PRDM16: variants seen among roughly 807,000 people sequenced by gnomAD.
PRDM16 encodes the protein histone-lysine N-methyltransferase PRDM16.
PRDM16 carries 23 observed loss-of-function variants against 110.6 expected under a neutral mutation model. That is an observed-to-expected ratio of 0.21 (90% confidence interval 0.15 to 0.29). The LOEUF (loss-of-function observed/expected upper bound fraction) is 0.29, where lower values mean the gene tolerates loss of function less well. Among genes scored for constraint, PRDM16 ranks in the 10% least tolerant of loss-of-function variants. PRDM16 has a pLI of 1.00. For missense variants in PRDM16, 1,615 were observed against 1,794.3 expected (o/e 0.90, Z 1.81); for synonymous variants, 799 against 781.8 (o/e 1.02, Z -0.37).
At chr1:3,218,592 C>A (rs561686822) in intron 2 of PRDM16, among the ~76,000 whole-genome samples, 1 of 152,250 alleles carries the variant, frequency 6.6e-6, no homozygotes, top group East Asian at 1.9e-4. Flanking sequence ...CAAGGCCCTT[C>A]CTTAGAAAGG....
Position 3,310,390 on chromosome 1 carries a change from T to C in PRDM16, c.438+66253T>C, listed in dbSNP as rs1382385297. 7.2e-5 allele frequency among the ~76,000 whole-genome samples: 11 copies of C among 152,164 alleles called. No individual in the cohort carries two copies. The East Asian group carries it at 2.1e-3, about 29-fold the overall frequency. On this transcript the variant is annotated intron_variant, in intron 3 of 16. Transcript: ENST00000270722. Reference sequence around the variant, plus strand: ...CGCCCCTGAAGCGCCCTCCCTCTGCTGAGCCCGGTGACCCTGAGCCGTCTT... The same window carrying C: ...CGCCCCTGAAGCGCCCTCCCTCTGCCGAGCCCGGTGACCCTGAGCCGTCTT...
chr1:3,316,000 G>T (rs1641592181), intron 3 of PRDM16, among the ~76,000 whole-genome samples: 1 of 152,150 alleles, frequency 6.6e-6, no homozygotes, highest in Non-Finnish European at 1.5e-5. Context: ...TCATCCATCA[G>T]ATGAGAGAAC....
At chr1:3,127,779 C>A (rs538120004) in intron 1 of PRDM16, among the ~76,000 whole-genome samples, 1 of 152,212 alleles carries the variant, frequency 6.6e-6, no homozygotes. Context: ...AGGCCTGAGG[C>A]CTGCCCCATA....
chr1:3,164,521 C>A (rs1643928483), intron 1 of PRDM16, among the ~76,000 whole-genome samples: 1 of 152,156 alleles, frequency 6.6e-6, no homozygotes, highest in African/African-American at 2.4e-5. Context: ...ACCCGGCCTC[C>A]CTTGGCTAAC....
intron 3 of PRDM16, among the ~76,000 whole-genome samples, chr1:3,383,841 G>GGACACA (rs1473066423): frequency 2.4e-5 from 2 of 82,364 alleles, no homozygotes; most frequent in Admixed American, 1.8e-4. Context: ...AGACACACCT[G>GGACACA]CCTAAGGACA....
At chr1:3,181,334 GCA>G (rs1644173361) in intron 1 of PRDM16, among the ~76,000 whole-genome samples, 1 of 101,956 alleles carries the variant, frequency 9.8e-6, no homozygotes, top group African/African-American at 3.6e-5. Context: ...TCTTACACAA[GCA>G]GTCTTACACA....
At chr1:3,337,217 A>G (rs1177630495) in intron 3 of PRDM16, among the ~76,000 whole-genome samples, 2 of 150,866 alleles carry the variant, frequency 1.3e-5, no homozygotes, top group African/African-American at 4.9e-5. Context: ...CTGTGTGTGA[A>G]TGCATACACG....
intron 2 of PRDM16, among the ~76,000 whole-genome samples, chr1:3,194,681 TCGCCACACGCCATCGTCTCCC>T (rs1404092447): frequency 2.0e-4 from 20 of 99,084 alleles, no homozygotes; most frequent in South Asian, 7.3e-4. Context: ...CACCGTCTGA[TCGCCACACGCCATCGTCTCCC>T]CGCCACACGC....
At position 3,083,660 on chromosome 1, in the gene PRDM16, T is replaced by G. The variant is rs150113435; in HGVS notation, c.37+14364T>G. Among the ~76,000 whole-genome samples the G allele has an allele frequency of 2.9e-3, 446 of 152,162 alleles. 2 individuals are homozygous for G. The highest frequency in any genetic ancestry group is 0.024 in the East Asian group (123 of 5,148). ...TGGGTGCCGGAGCTGGATCCTGCCC[T>G]CGGGGGTTTCCTGTTAGTTTTGTTC... On this transcript the variant is annotated intron_variant, in intron 1 of 16. Coordinates refer to ENST00000270722, the MANE Select transcript of PRDM16 (RefSeq NM_022114.4).
intron 1 of PRDM16, among the ~76,000 whole-genome samples, chr1:3,181,006 G>C (rs956883558): frequency 1.6e-5 from 2 of 125,978 alleles, no homozygotes; most frequent in Admixed American, 7.8e-5. Flanking sequence ...GATCTTACAC[G>C]CGGTCTTACA....
At chr1:3,085,126 C>T (rs1267828859) in intron 1 of PRDM16, among the ~76,000 whole-genome samples, 1 of 152,196 alleles carries the variant, frequency 6.6e-6, no homozygotes, top group Non-Finnish European at 1.5e-5. Context: ...AGGCTGGTGC[C>T]CAGGACCTAC....
intron 1 of PRDM16, among the ~76,000 whole-genome samples, chr1:3,181,020 G>T (rs1356880660): frequency 3.9e-5 from 5 of 126,838 alleles, no homozygotes; most frequent in Non-Finnish European, 6.8e-5. Flanking sequence ...TCTTACAAAT[G>T]CGGTCTTACA....
chr1:3,338,671 C>T (rs1642210266), intron 3 of PRDM16, among the ~76,000 whole-genome samples: 1 of 152,230 alleles, frequency 6.6e-6, no homozygotes, highest in Non-Finnish European at 1.5e-5. Flanking sequence ...GCCATGAGGG[C>T]TGCTTGGCTG....
rs778222386 is a variant in PRDM16, at chr1:3,431,046, CGAGGATGAG to C, written c.3472_3480del (p.Asp1158_Glu1160del). 8 of 1,560,992 alleles carry C rather than the reference CGAGGATGAG, an allele frequency of 5.1e-6. No homozygotes were observed. Among genetic ancestry groups the C allele is most frequent in the Non-Finnish European group, 6.1e-6 (7 of 1,152,618 alleles). On this transcript the variant is annotated inframe_deletion, in exon 15 of 17. Transcript: ENST00000270722. ...CCGCACCCGAGCCCCAGGCCGCCTA[CGAGGATGAG>C]GAGGATGAGGAGCCAGCCGCCTCCC...
intron 1 of PRDM16, among the ~76,000 whole-genome samples, chr1:3,114,552 AC>A (rs1431154358): frequency 6.6e-6 from 1 of 151,624 alleles, no homozygotes; most frequent in Admixed American, 6.6e-5. Context: ...GAACACACAC[AC>A]GTGCACAAAC....
intron 1 of PRDM16, among the ~76,000 whole-genome samples, chr1:3,162,765 C>A (rs532956719): frequency 1.3e-5 from 2 of 152,310 alleles, no homozygotes; most frequent in African/African-American, 4.8e-5. Context: ...GACCTGGTGA[C>A]GCCTGTGCGA....
At chr1:3,386,086 C>T (rs1012192862) in intron 4 of PRDM16, among the ~76,000 whole-genome samples, 1 of 152,240 alleles carries the variant, frequency 6.6e-6, no homozygotes, top group South Asian at 2.1e-4. Flanking sequence ...TTCTCACTCT[C>T]AAGCCAGGCC....
At chr1:3,249,908 T>C (rs1367984984) in intron 3 of PRDM16, among the ~76,000 whole-genome samples, 1 of 152,212 alleles carries the variant, frequency 6.6e-6, no homozygotes, top group Non-Finnish European at 1.5e-5. Context: ...CCATGGAAAC[T>C]AAGTATTCCT....
At chr1:3,262,943 G>A (rs1460847189) in intron 3 of PRDM16, among the ~76,000 whole-genome samples, 1 of 152,198 alleles carries the variant, frequency 6.6e-6, no homozygotes, top group Admixed American at 6.5e-5. Flanking sequence ...GCCAAGCACT[G>A]GATCCTTGAG....
Sources: gnomAD v4.1 joint callset for allele counts (sites outside exome capture counted in the v4.1 genomes callset) on GRCh38, gnomAD v4.1.1 for gene constraint, MANE v1.5 for transcripts, NCBI Gene and HGNC (gene_info 2026-07-23, HGNC 2026-07-21) for gene names.